The following ATRNL1 variants were observed in gnomAD, a reference collection of about 807,000 sequenced individuals.
ATRNL1 encodes attractin-like protein 1.
A neutral mutation model predicts 182.7 loss-of-function variants in ATRNL1; 95 were observed. The observed-to-expected ratio is 0.52, with a 90% CI of 0.44 to 0.62. The LOEUF is 0.62. Among genes scored for constraint, ATRNL1 ranks in the 20% least tolerant of loss-of-function variants. The probability of loss-of-function intolerance (pLI) is 0.00; values close to 1 mark genes in which losing one functional copy is unlikely to be tolerated. For missense variants in ATRNL1, 1,471 were observed against 1,679.5 expected (o/e 0.88, Z 2.17); for synonymous variants, 576 against 568.3 (o/e 1.01, Z -0.19).
At chr10:115,766,521 C>T (rs1179326186) in intron 27 of ATRNL1, among the ~76,000 whole-genome samples, 1 of 152,138 alleles carries the variant, frequency 6.6e-6, no homozygotes, top group Non-Finnish European at 1.5e-5. Context: ...AAACAGTTCA[C>T]TCTGAATATC....
intron 26 of ATRNL1, among the ~76,000 whole-genome samples, chr10:115,567,579 T>G (rs1555002285): frequency 6.6e-6 from 1 of 152,124 alleles, no homozygotes; most frequent in African/African-American, 2.4e-5. Context: ...AAGATTCATT[T>G]CACTTTTGCT....
At chr10:115,433,619 C>A (rs1263019961) in intron 21 of ATRNL1, among the ~76,000 whole-genome samples, 1 of 151,960 alleles carries the variant, frequency 6.6e-6, no homozygotes, top group African/African-American at 2.4e-5. Context: ...ATTAAATTTT[C>A]TGAAGTCTGT....
At chr10:115,270,205 T>C (rs962930763) in intron 13 of ATRNL1, among the ~76,000 whole-genome samples, 159 of 146,856 alleles carry the variant, frequency 1.1e-3, no homozygotes, top group African/African-American at 3.9e-3. Flanking sequence ...TCTGTCTATA[T>C]ATATATATAC....
intron 22 of ATRNL1, 140 bp from the exon 23 acceptor site, chr10:115,467,034 C>T: frequency 1.9e-6 from 1 of 513,388 alleles, no homozygotes; most frequent in Non-Finnish European, 3.5e-6. Flanking sequence ...GTATAAATGG[C>T]ATCTACATAT....
chr10:115,690,858 A>G (rs1244493165), intron 26 of ATRNL1, among the ~76,000 whole-genome samples: 1 of 152,128 alleles, frequency 6.6e-6, no homozygotes, highest in Admixed American at 6.5e-5. Context: ...TGCTAGCGTC[A>G]GGGTTTCTGT....
intron 19 of ATRNL1, among the ~76,000 whole-genome samples, chr10:115,358,619 C>A (rs952264614): frequency 1.3e-5 from 2 of 151,294 alleles, no homozygotes; most frequent in Non-Finnish European, 3.0e-5. Context: ...TTTAGTATAC[C>A]TATTTTAGTT....
chr10:115,617,714 A>G (rs1187579087), intron 26 of ATRNL1, among the ~76,000 whole-genome samples: 2 of 152,168 alleles, frequency 1.3e-5, no homozygotes, highest in African/African-American at 4.8e-5. Context: ...GCCTTGTCTC[A>G]GATGAGACTG....
At chr10:115,250,368 C>A (rs187701620) in intron 10 of ATRNL1, among the ~76,000 whole-genome samples, 1 of 152,188 alleles carries the variant, frequency 6.6e-6, no homozygotes, top group Admixed American at 6.5e-5. Context: ...GTGTGTGAAG[C>A]CTGCATTGTG....
At chr10:115,602,953 A>C (rs1555016505) in intron 26 of ATRNL1, among the ~76,000 whole-genome samples, 1 of 152,192 alleles carries the variant, frequency 6.6e-6, no homozygotes. Flanking sequence ...ATTTAAATTT[A>C]CTGGTTTATT....
chr10:115,546,841 C>T (rs973951390), intron 25 of ATRNL1, among the ~76,000 whole-genome samples: 4 of 152,108 alleles, frequency 2.6e-5, no homozygotes, highest in Admixed American at 2.6e-4. Flanking sequence ...AAACACTGTA[C>T]TTGAGGCAAT....
chr10:115,181,356 A>G (rs781917831), intron 8 of ATRNL1, among the ~76,000 whole-genome samples: 4 of 151,816 alleles, frequency 2.6e-5, no homozygotes, highest in Non-Finnish European at 5.9e-5. Flanking sequence ...ATATTCCATC[A>G]AGGTCTATTG....
At chr10:115,311,348 C>G (rs1196250448) in intron 17 of ATRNL1, among the ~76,000 whole-genome samples, 1 of 152,136 alleles carries the variant, frequency 6.6e-6, no homozygotes, top group African/African-American at 2.4e-5. Flanking sequence ...TGCCAGCATA[C>G]CTGGCTGCTT....
At chr10:115,834,103 A>G (rs1446085849) in intron 27 of ATRNL1, among the ~76,000 whole-genome samples, 1 of 152,138 alleles carries the variant, frequency 6.6e-6, no homozygotes, top group Non-Finnish European at 1.5e-5. Flanking sequence ...GGCTACCGCT[A>G]TGCTCTCAGG....
chr10:115,539,603 G>A (rs1375221874), intron 25 of ATRNL1, among the ~76,000 whole-genome samples: 5 of 152,150 alleles, frequency 3.3e-5, no homozygotes, highest in African/African-American at 1.2e-4. Context: ...CCCATGATGT[G>A]GAAAAGGGAA....
At chr10:115,131,599 G>T (rs986085137) in intron 5 of ATRNL1, among the ~76,000 whole-genome samples, 18 of 152,140 alleles carry the variant, frequency 1.2e-4, no homozygotes, top group Non-Finnish European at 1.9e-4. Context: ...GGTAAGAAGA[G>T]GAGATAGATT....
intron 9 of ATRNL1, among the ~76,000 whole-genome samples, chr10:115,219,896 C>G (rs1849381997): frequency 6.6e-6 from 1 of 151,996 alleles, no homozygotes; most frequent in Non-Finnish European, 1.5e-5. Flanking sequence ...GATTGAGACC[C>G]TGTCTCAAAA....
intron 20 of ATRNL1, among the ~76,000 whole-genome samples, chr10:115,411,026 A>G (rs1397540269): frequency 1.2e-4 from 19 of 152,140 alleles, no homozygotes; most frequent in African/African-American, 4.3e-4. Flanking sequence ...ATGAGTCATC[A>G]TGCTTGGCCT....
At chr10:115,412,670 A>G (rs1211738490) in intron 20 of ATRNL1, among the ~76,000 whole-genome samples, 1 of 152,160 alleles carries the variant, frequency 6.6e-6, no homozygotes, top group Non-Finnish European at 1.5e-5. Flanking sequence ...TCTTTGGTAG[A>G]TATTTTCTTG....
intron 24 of ATRNL1, among the ~76,000 whole-genome samples, chr10:115,500,043 C>A (rs1265246229): frequency 6.6e-6 from 1 of 151,980 alleles, no homozygotes; most frequent in African/African-American, 2.4e-5. Flanking sequence ...GTGTTGAAGA[C>A]TTATGTTTAT....
Sources: gnomAD v4.1 joint callset for allele counts (sites outside exome capture counted in the v4.1 genomes callset) on GRCh38, gnomAD v4.1.1 for gene constraint, MANE v1.5 for transcripts, NCBI Gene and HGNC (gene_info 2026-07-23, HGNC 2026-07-21) for gene names.